Variants in SLC35F3 observed in about 807,000 individuals in gnomAD.
The protein encoded by SLC35F3 is putative thiamine transporter SLC35F3.
A neutral mutation model predicts 49.9 loss-of-function variants in SLC35F3; 25 were observed. That is an observed-to-expected ratio of 0.50 (90% CI 0.37 to 0.70). SLC35F3 has a LOEUF of 0.70. Among genes scored for constraint, SLC35F3 ranks in the 30% least tolerant of loss-of-function variants. The probability of loss-of-function intolerance (pLI) is 0.00; values close to 1 mark genes in which losing one functional copy is unlikely to be tolerated. For missense variants in SLC35F3, 525 were observed against 639.8 expected (o/e 0.82, Z 1.94); for synonymous variants, 275 against 265.4 (o/e 1.04, Z -0.35).
chr1:234,223,190 T>G (rs1463265447), intron 2 of SLC35F3, among the ~76,000 whole-genome samples: 2 of 152,178 alleles, frequency 1.3e-5, no homozygotes, highest in Non-Finnish European at 2.9e-5. Flanking sequence ...CTGCATGAAA[T>G]TATTCAGACC....
intron 2 of SLC35F3, among the ~76,000 whole-genome samples, chr1:234,205,928 C>T (rs911612463): frequency 6.6e-5 from 10 of 151,926 alleles, no homozygotes; most frequent in Non-Finnish European, 1.0e-4. Flanking sequence ...GTGAGGGGTC[C>T]GTGTAGAGGA....
chr1:233,925,916 T>C (rs574635023), intron 2 of SLC35F3, among the ~76,000 whole-genome samples: 1 of 152,342 alleles, frequency 6.6e-6, no homozygotes, highest in South Asian at 2.1e-4. Flanking sequence ...GGATATGAAA[T>C]TCTGGGTTGA....
chr1:234,107,433 C>T (rs1226064575), intron 2 of SLC35F3, among the ~76,000 whole-genome samples: 1 of 152,142 alleles, frequency 6.6e-6, no homozygotes, highest in Non-Finnish European at 1.5e-5. Flanking sequence ...CTTCATGATT[C>T]TGGAGGCTGG....
At chr1:234,100,447 A>T (rs1665197925) in intron 2 of SLC35F3, among the ~76,000 whole-genome samples, 1 of 152,256 alleles carries the variant, frequency 6.6e-6, no homozygotes, top group East Asian at 1.9e-4. Context: ...AAAAAGGCAG[A>T]GAGGTAGCCA....
intron 3 of SLC35F3, among the ~76,000 whole-genome samples, chr1:234,269,339 C>T (rs577237940): frequency 2.0e-5 from 3 of 152,164 alleles, no homozygotes; most frequent in Admixed American, 6.5e-5. Context: ...CCTATACAGG[C>T]AAGGTGGGAA....
rs74421297 is a variant in SLC35F3, at chr1:234,154,236, G to A, written c.284-77181G>A. Among the ~76,000 whole-genome samples the A allele has an allele frequency of 2.0e-3, 307 of 152,284 alleles. 5 individuals carry two copies. The East Asian group carries it at 0.044, about 22-fold the overall frequency. ...ACAGCACTCCAGCCGGAGCGATAGA[G>A]TGAGACCCTGTCTCAAAAAAAGAAA... On this transcript the variant is annotated intron_variant, in intron 2 of 7. Transcript: ENST00000366618.
At chr1:234,018,274 G>A (rs991355180) in intron 2 of SLC35F3, among the ~76,000 whole-genome samples, 1 of 152,168 alleles carries the variant, frequency 6.6e-6, no homozygotes, top group African/African-American at 2.4e-5. Context: ...CTGGAAAATG[G>A]TCAGTTCTTA....
At chr1:234,137,541 G>A (rs1427260718) in intron 2 of SLC35F3, among the ~76,000 whole-genome samples, 1 of 152,140 alleles carries the variant, frequency 6.6e-6, no homozygotes, top group East Asian at 1.9e-4. Context: ...CTCATGGAAC[G>A]CCTCCTCAAG....
intron 2 of SLC35F3, among the ~76,000 whole-genome samples, chr1:234,086,878 C>A (rs117101634): frequency 6.6e-6 from 1 of 152,354 alleles, no homozygotes; most frequent in East Asian, 1.9e-4. Flanking sequence ...GCAGCAAATT[C>A]TGACTTATCG....
At chr1:233,925,994 G>A (rs1010196712) in intron 2 of SLC35F3, among the ~76,000 whole-genome samples, 37 of 152,228 alleles carry the variant, frequency 2.4e-4, no homozygotes, top group Admixed American at 2.2e-3. Flanking sequence ...GTTTCTGCTG[G>A]GAGAGCCGCT....
intron 2 of SLC35F3, among the ~76,000 whole-genome samples, chr1:233,981,419 T>C (rs576972224): frequency 6.6e-6 from 1 of 152,186 alleles, no homozygotes; most frequent in Non-Finnish European, 1.5e-5. Context: ...TCGTATAATC[T>C]CATCTTCTGA....
intron 3 of SLC35F3, among the ~76,000 whole-genome samples, chr1:234,253,502 T>C (rs1232415691): frequency 6.6e-6 from 1 of 151,168 alleles, no homozygotes; most frequent in Non-Finnish European, 1.5e-5. Context: ...TGAATATTCA[T>C]TTAAAACCTC....
intron 2 of SLC35F3, among the ~76,000 whole-genome samples, chr1:233,936,802 C>T: frequency 6.6e-6 from 1 of 152,134 alleles, no homozygotes. Context: ...AGTCCTCCCA[C>T]CTCAGCTTCC....
intron 3 of SLC35F3, 41 bp from the exon 4 acceptor site, chr1:234,309,060 C>A: frequency 3.2e-6 from 5 of 1,568,484 alleles, no homozygotes; most frequent in Non-Finnish European, 4.4e-6. Flanking sequence ...TCTGTCTGAA[C>A]CCAGGAAAAT....
At chr1:234,190,934 GGAA>G (rs111650971) in intron 2 of SLC35F3, among the ~76,000 whole-genome samples, 12,047 of 152,076 alleles carry the variant, frequency 0.079, 1,311 homozygotes, top group African/African-American at 0.25. Flanking sequence ...GCTAGCATGG[GGAA>G]GAAGAAGAGA....
Position 234,214,261 on chromosome 1 carries a change from T to G in SLC35F3, c.284-17156T>G. ...CCAAGTAGGAGGCTGTGCGCGCGTG[T>G]GTGTGGAGTGGCTGCGCGGCCGGGG... On this transcript the variant is annotated intron_variant, in intron 2 of 7. Transcript: ENST00000366618. The surrounding 1 kb of genome is among the most constrained non-coding windows in gnomAD (Gnocchi z 8.0). The G allele has an allele frequency of 8.0e-7, 1 of 1,255,704 alleles. No homozygotes were observed. The highest frequency in any genetic ancestry group is 1.0e-6 in the Non-Finnish European group (1 of 1,002,534). 77.8% of individuals were successfully genotyped at this position (1,255,704 alleles called of 1,614,324 possible).
intron 2 of SLC35F3, among the ~76,000 whole-genome samples, chr1:234,177,227 A>G (rs1666489798): frequency 6.6e-6 from 1 of 152,128 alleles, no homozygotes; most frequent in Non-Finnish European, 1.5e-5. Flanking sequence ...CTTGCCTTCC[A>G]CCATGATTGT....
chr1:234,246,910 G>A (rs916526565), intron 3 of SLC35F3, among the ~76,000 whole-genome samples: 2 of 152,302 alleles, frequency 1.3e-5, no homozygotes, highest in African/African-American at 2.4e-5. Flanking sequence ...GGTGTCGGTC[G>A]GGGGTAAGGC....
chr1:234,267,904 G>A (rs1256960148), intron 3 of SLC35F3, among the ~76,000 whole-genome samples: 3 of 142,286 alleles, frequency 2.1e-5, no homozygotes, highest in South Asian at 2.2e-4. Context: ...ATGGGCTGCC[G>A]GGCAGAGACG....
Sources: allele counts gnomAD v4.1 joint callset (sites outside exome capture counted in the v4.1 genomes callset), GRCh38; gene constraint gnomAD v4.1.1; non-coding constraint Gnocchi (gnomAD v3.1); transcripts MANE v1.5; gene names NCBI Gene and HGNC (gene_info 2026-07-23, HGNC 2026-07-21).